Variants in ALDOB observed in about 807,000 individuals in gnomAD.
The protein encoded by ALDOB is fructose-bisphosphate aldolase B.
ALDOB carries 39 observed loss-of-function variants against 41.0 expected under a neutral mutation model. The observed-to-expected ratio is 0.95, with a 90% CI of 0.74 to 1.24. The LOEUF is 1.24. Ranked by LOEUF, ALDOB falls within the 50% of genes most tolerant of loss-of-function variation. The pLI is 0.00. For missense variants in ALDOB, 530 were observed against 457.3 expected (o/e 1.16, Z -1.45); for synonymous variants, 175 against 168.8 (o/e 1.04, Z -0.28).
intron 2 of ALDOB, 132 bp from the exon 3 acceptor site, chr9:101,430,098 G>T: frequency 1.2e-6 from 1 of 868,406 alleles, no homozygotes; most frequent in Non-Finnish European, 1.9e-6. Context: ...CAAAGCTCCT[G>T]CTTCAATTTT....
intron 4 of ALDOB, 65 bp downstream of exon 4, chr9:101,428,403 CT>C (rs1171771573): frequency 9.5e-6 from 14 of 1,473,556 alleles, no homozygotes; most frequent in Admixed American, 3.3e-5. Flanking sequence ...TCCTTGCTTC[CT>C]TCTTTACTTG....
intron 2 of ALDOB, among the ~76,000 whole-genome samples, chr9:101,430,181 G>A (rs1318505244): frequency 6.6e-6 from 1 of 152,172 alleles, no homozygotes; most frequent in Non-Finnish European, 1.5e-5. Context: ...GGCATATAGA[G>A]GTCAGGGTGG....
chr9:101,423,849 G>A (rs1831084819), intron 8 of ALDOB, among the ~76,000 whole-genome samples: 1 of 152,110 alleles, frequency 6.6e-6, no homozygotes, highest in Non-Finnish European at 1.5e-5. Flanking sequence ...GGAGGACATG[G>A]CTATGTCTCA....
intron 8 of ALDOB, among the ~76,000 whole-genome samples, chr9:101,422,373 C>G (rs80152358): frequency 3.9e-5 from 6 of 152,130 alleles, no homozygotes; most frequent in African/African-American, 1.2e-4. Flanking sequence ...ATGAAACTTA[C>G]GACAATATTT....
intron 3 of ALDOB, among the ~76,000 whole-genome samples, chr9:101,429,395 G>A (rs1313795413): frequency 2.0e-5 from 3 of 152,150 alleles, no homozygotes; most frequent in African/African-American, 7.2e-5. Context: ...CTGAGCTCAA[G>A]CGATCCTCTT....
chr9:101,435,352 G>A lies in ALDOB; in HGVS notation c.-11+357C>T, dbSNP rs566059654. 5.5e-4 allele frequency among the ~76,000 whole-genome samples: 83 copies of A among 152,200 alleles called. 4 individuals are homozygous for A. Among genetic ancestry groups the A allele is most frequent in the African/African-American group, 1.9e-3 (77 of 41,526 alleles). Reference sequence around the variant, plus strand: ...AGTTGTTATGAAAAGAGAGTTGAGAGTTGAAATGAACAGGAATCTCAAAAA... The same window carrying A: ...AGTTGTTATGAAAAGAGAGTTGAGAATTGAAATGAACAGGAATCTCAAAAA... On this transcript the variant is annotated intron_variant, in intron 1 of 8. Coordinates refer to ENST00000647789, the MANE Select transcript of ALDOB (RefSeq NM_000035.4).
At chr9:101,425,674 G>C (rs1380049913) in intron 6 of ALDOB, 47 bp from the exon 7 acceptor site, 2 of 1,601,728 alleles carry the variant, frequency 1.2e-6, no homozygotes, top group South Asian at 2.2e-5. Context: ...GCTAGTCATA[G>C]AGCCACTTGA....
In ALDOB at chr9:101,435,741, A is replaced by G. The variant is rs1831282049; in HGVS notation, c.-43T>C. The G allele has an allele frequency of 6.6e-6, 1 of 152,204 alleles. No individual in the cohort carries two copies. 9.4% of individuals were successfully genotyped at this position (152,204 alleles called of 1,614,324 possible). A position where few individuals can be genotyped will look rare whatever the true frequency, so the allele number is the denominator to read the frequency against. ...GAGAGAAGAGTCCTCCTAGATATCA[A>G]AAGCTGTGGGTGAGGCAGCAGCTGC... On this transcript the variant is annotated 5_prime_UTR_variant, in exon 1 of 9. Transcript: ENST00000647789.
At chr9:101,423,393 A>T (rs1469861809) in intron 8 of ALDOB, among the ~76,000 whole-genome samples, 3 of 152,232 alleles carry the variant, frequency 2.0e-5, no homozygotes, top group Non-Finnish European at 2.9e-5. Context: ...AGGAAAACTC[A>T]GGAATGAAGC....
intron 3 of ALDOB, among the ~76,000 whole-genome samples, chr9:101,429,469 T>TA (rs960556442): frequency 2.0e-5 from 3 of 152,214 alleles, no homozygotes; most frequent in Non-Finnish European, 4.4e-5. Flanking sequence ...TAGAAACTTT[T>TA]AGTCATTTCA....
intron 6 of ALDOB, among the ~76,000 whole-genome samples, chr9:101,426,267 T>A (rs1410116884): frequency 6.6e-6 from 1 of 152,222 alleles, no homozygotes; most frequent in East Asian, 1.9e-4. Flanking sequence ...TTTGTGTACA[T>A]GTAATTGAAT....
chr9:101,425,158 G>C, intron 7 of ALDOB, 116 bp from the exon 8 acceptor site: 1 of 1,249,830 alleles, frequency 8.0e-7, no homozygotes, highest in Non-Finnish European at 1.1e-6. Flanking sequence ...TGCTTAATTT[G>C]CCTTAAAGCA....
chr9:101,422,450 T>C (rs1412947818), intron 8 of ALDOB, among the ~76,000 whole-genome samples: 2 of 152,226 alleles, frequency 1.3e-5, no homozygotes, highest in African/African-American at 2.4e-5. Context: ...CCAGGACTTA[T>C]TTCTACATTT....
Position 101,425,437 on chromosome 9 carries a change from A to G in ALDOB, c.799+16T>C. 1.9e-6 allele frequency: 3 copies of G among 1,613,916 alleles called. No individual in the cohort carries two copies. Among genetic ancestry groups the G allele is most frequent in the Middle Eastern group, 1.7e-4 (1 of 6,060 alleles). On this transcript the variant is annotated intron_variant, in intron 7 of 8. Transcript: ENST00000647789. ...GAGGGCTAAGACCTTGAGTTAGAGA[A>G]GAAAGAAGGCCTTACCAGGAACAGC...
chr9:101,431,021 C>T (rs896062913), intron 1 of ALDOB, 124 bp from the exon 2 acceptor site: 26 of 720,136 alleles, frequency 3.6e-5, no homozygotes, highest in Non-Finnish European at 5.8e-5. Context: ...CCCATTTCCA[C>T]AGGTGGATAA....
chr9:101,429,498 G>A (rs1186201523), intron 3 of ALDOB, among the ~76,000 whole-genome samples: 4 of 152,138 alleles, frequency 2.6e-5, no homozygotes, highest in Non-Finnish European at 5.9e-5. Context: ...AGAACATCAT[G>A]AGGTAGATTC....
chr9:101,424,588 T>C (rs1831095534), intron 8 of ALDOB, among the ~76,000 whole-genome samples: 1 of 152,190 alleles, frequency 6.6e-6, no homozygotes, highest in African/African-American at 2.4e-5. Flanking sequence ...GGTCCTCTTA[T>C]CTCCTTCCCT....
intron 8 of ALDOB, among the ~76,000 whole-genome samples, chr9:101,422,545 C>T (rs1831064089): frequency 6.6e-6 from 1 of 152,156 alleles, no homozygotes; most frequent in African/African-American, 2.4e-5. Context: ...CTGGCCTTAC[C>T]CCTGACCTAC....
chr9:101,422,003 G>A (rs1422589995), intron 8 of ALDOB, 99 bp from the exon 9 acceptor site: 3 of 998,458 alleles, frequency 3.0e-6, no homozygotes, highest in Non-Finnish European at 3.1e-6. Flanking sequence ...CCTTCACTCA[G>A]ATTTTCTTCT....
Sources: gnomAD v4.1 joint callset for allele counts (sites outside exome capture counted in the v4.1 genomes callset) on GRCh38, gnomAD v4.1.1 for gene constraint, MANE v1.5 for transcripts, NCBI Gene and HGNC (gene_info 2026-07-23, HGNC 2026-07-21) for gene names.